The following COL1A1 variants were observed in gnomAD, a reference collection of about 807,000 sequenced individuals.
The protein encoded by COL1A1 is collagen type I alpha 1 chain, also known as collagen alpha-1(I) chain.
Under a neutral mutation model 195.7 loss-of-function variants are expected in COL1A1, and 21 were observed. The observed-to-expected ratio is 0.11, with a 90% CI of 0.08 to 0.15. The LOEUF is 0.15. COL1A1 is among the 10% of genes least tolerant of loss of function. The probability of loss-of-function intolerance (pLI) is 1.00; values close to 1 mark genes in which losing one functional copy is unlikely to be tolerated. For missense variants in COL1A1, 1,365 were observed against 2,051.0 expected (o/e 0.67, Z 6.46); for synonymous variants, 749 against 747.3 (o/e 1.00, Z -0.04).
rs886053161 is a variant in COL1A1, at chr17:50,192,659, G to T, written c.1910C>A (p.Ala637Asp). The T allele has an allele frequency of 2.5e-6, 4 of 1,614,130 alleles. No homozygotes were observed. The highest frequency in any genetic ancestry group is 3.4e-6 in the Non-Finnish European group (4 of 1,180,054). ...CCTCACCTGGAATCCGGGGGAGCCAGCAGGGCCTTGTTCACCTCTCTCGCC... is the reference window on the plus strand; with the variant it reads ...CCTCACCTGGAATCCGGGGGAGCCATCAGGGCCTTGTTCACCTCTCTCGCC... The part of the protein sequence containing the change: ...PAGERGEQGP[A>D]GSPGFQGLPG... Residue 637 changes from alanine to aspartate, a missense_variant, in exon 28 of 51, where the codon GCT becomes GAT. This residue lies in a region of COL1A1 where 671 missense variants were observed against 1,099.9 expected (regional missense o/e 0.61). Transcript: ENST00000225964.
At chr17:50,196,950 G>A in intron 11 of COL1A1, 60 bp downstream of exon 11, 1 of 1,575,968 alleles carries the variant, frequency 6.3e-7, no homozygotes. Context: ...GGAAGAGGTT[G>A]GGACTGGATG....
At chr17:50,201,330 T>C (rs1908076045) in intron 1 of COL1A1, 81 bp downstream of exon 1, 2 of 1,266,974 alleles carry the variant, frequency 1.6e-6, no homozygotes, top group Non-Finnish European at 2.2e-6. Context: ...CATCCACGTC[T>C]CGTTTTAAGC....
chr17:50,186,383 G>A lies in COL1A1; in HGVS notation c.3939C>T (p.Tyr1313=). 6.2e-7 allele frequency: 1 copy of A among 1,614,252 alleles called. No homozygotes were observed. Among genetic ancestry groups the A allele is most frequent in the Non-Finnish European group, 8.5e-7 (1 of 1,180,054 alleles). ...TCTTGTCCTTGGGGTTCTTGCTGAT[G>A]TACCAGTTCTTCTGGGCCACACTGG... The part of the protein sequence containing the change: ...TQPSVAQKNW[Y]ISKNPKDKRH... The change falls in exon 49 of 51, where the codon TAC becomes TAT. Residue 1313 remains tyrosine (Y), a synonymous_variant. Coordinates refer to ENST00000225964, the MANE Select transcript of COL1A1 (RefSeq NM_000088.4). This position sits in a 1 kb window ranked among gnomAD's most constrained non-coding sequence, Gnocchi z 5.3.
intron 25 of COL1A1, 122 bp from the exon 26 acceptor site, chr17:50,193,169 C>A (rs968580225): frequency 1.3e-5 from 13 of 996,866 alleles, no homozygotes; most frequent in East Asian, 2.6e-5. Context: ...CTGTTTGGCC[C>A]CCGGGGAATG....
rs773571012 is a variant in COL1A1, at chr17:50,199,882, G to C, written c.169C>G (p.Pro57Ala). Residue 57 changes from proline (P) to alanine (A), a missense_variant, in exon 2 of 51, where the codon CCC becomes GCC. Pro to Ala is a conservative substitution (Grantham distance 27). This residue lies in a region of COL1A1 where 194 missense variants were observed against 221.7 expected (regional missense o/e 0.88). Coordinates refer to ENST00000225964, the MANE Select transcript of COL1A1 (RefSeq NM_000088.4). The stretch of plus-strand genomic sequence containing the variant: ...TTGTCGCAGACGCAGATCCGGCAGG[G>C]CTCGGGTTTCCACACGTCTCGGTCA... ...YHDRDVWKPE[P>A]CRICVCDNGK... 1.2e-6 allele frequency: 2 copies of C among 1,614,186 alleles called. No individual in the cohort carries two copies. The highest frequency in any genetic ancestry group is 1.7e-6 in the Non-Finnish European group (2 of 1,180,032).
At position 50,190,028 on chromosome 17, in the gene COL1A1, G is replaced by A. The variant is rs374158703; in HGVS notation, c.2532C>T (p.Ala844=). The A allele has an allele frequency of 7.6e-5, 122 of 1,609,586 alleles. No individual in the cohort carries two copies. The highest frequency in any genetic ancestry group is 1.1e-4 in the African/African-American group (8 of 74,352). Residue 844 remains alanine (A), a synonymous_variant, in exon 36 of 51, where the codon GCC becomes GCT. Coordinates refer to ENST00000225964, the MANE Select transcript of COL1A1 (RefSeq NM_000088.4). The surrounding 1 kb of genome is among the most constrained non-coding windows in gnomAD (Gnocchi z 4.7). The stretch of plus-strand genomic sequence containing the variant: ...TGGGGCCAGGGGGTCCAGCGGGTCC[G>A]GCAGGGCCAGGGGGACCAGCATCGC... The part of the protein sequence containing the change: ...AKGDAGPPGP[A]GPAGPPGPIG...
At chr17:50,196,889 T>C in intron 11 of COL1A1, 121 bp downstream of exon 11, 1 of 1,243,162 alleles carries the variant, frequency 8.0e-7, no homozygotes, top group Non-Finnish European at 1.2e-6. Context: ...TCTCTGTCCC[T>C]TGGGACTTCT....
Position 50,196,165 on chromosome 17 carries a change from G to GT in COL1A1, c.991_992insA (p.Ala331AspfsTer22). 1 of 1,614,082 alleles carries GT rather than the reference G, an allele frequency of 6.2e-7. No homozygotes were observed. Among genetic ancestry groups the GT allele is most frequent in the African/African-American group, 1.3e-5 (1 of 75,010 alleles). ...ACAGGCCACACTCACAGGGGGCCCG[G>GT]CAGCACCAGTAGCACCATCATTTCC... On this transcript the variant is annotated frameshift_variant, in exon 15 of 51. Transcript: ENST00000225964. LOFTEE classifies it high-confidence loss of function.
At position 50,195,126 on chromosome 17, in the gene COL1A1, C is replaced by A; in HGVS notation, c.1300-26G>T. ...CTGCAAGGGGGGAGAAGAGGATGAG[C>A]TGAGAGTCGGGGGCGCTCAGTTGGC... On this transcript the variant is annotated intron_variant, in intron 19 of 50. Transcript: ENST00000225964. The surrounding 1 kb of genome is among the most constrained non-coding windows in gnomAD (Gnocchi z 4.3). 6.2e-7 allele frequency: 1 copy of A among 1,613,382 alleles called. No individual in the cohort carries two copies. Among genetic ancestry groups the A allele is most frequent in the Non-Finnish European group, 8.5e-7 (1 of 1,179,622 alleles).
At position 50,190,987 on chromosome 17, in the gene COL1A1, G is replaced by T; in HGVS notation, c.2236-63C>A. 6.6e-7 allele frequency: 1 copy of T among 1,503,762 alleles called. No individual in the cohort carries two copies. The highest frequency in any genetic ancestry group is 9.2e-7 in the Non-Finnish European group (1 of 1,085,830). 93.2% of individuals were successfully genotyped at this position (1,503,762 alleles called of 1,614,324 possible). On this transcript the variant is annotated intron_variant, in intron 32 of 50. Coordinates refer to ENST00000225964, the MANE Select transcript of COL1A1 (RefSeq NM_000088.4). The surrounding 1 kb of genome is among the most constrained non-coding windows in gnomAD (Gnocchi z 4.7). ...GCAAGGAGGTGACCTATAGTGTTCT[G>T]CTTGTGTCTGGGTTTCCTGAGAGGC...
rs1598283073 is a variant in COL1A1 at position 50,185,218 on chromosome 17, T to G, written c.*284A>C. On this transcript the variant is annotated 3_prime_UTR_variant, in exon 51 of 51. Transcript: ENST00000225964. Reference sequence around the variant, plus strand: ...ACCCCCGCATGGGTCTTCAAGCAAGTGGACCAAGCTTCCTTTTTTAAAAAG... The same window carrying G: ...ACCCCCGCATGGGTCTTCAAGCAAGGGGACCAAGCTTCCTTTTTTAAAAAG... The G allele has an allele frequency of 2.2e-5, 9 of 412,382 alleles. No homozygotes were observed. The East Asian group carries it at 3.9e-4, about 18-fold the overall frequency. 25.5% of individuals were successfully genotyped at this position (412,382 alleles called of 1,614,324 possible). A position where few individuals can be genotyped will look rare whatever the true frequency, so the allele number is the denominator to read the frequency against.
chr17:50,194,669 C>T lies in COL1A1; in HGVS notation c.1462-43G>A, dbSNP rs1254841895. ...GCCAGTGAACTCCGCGACACACAGG[C>T]ACCAGCCAGGCAATGAGGGTGGAGC... is the stretch of plus-strand genomic sequence containing the variant. On this transcript the variant is annotated intron_variant, in intron 21 of 50. Coordinates refer to ENST00000225964, the MANE Select transcript of COL1A1 (RefSeq NM_000088.4). This position sits in a 1 kb window ranked among gnomAD's most constrained non-coding sequence, Gnocchi z 6.8. 1 of 1,557,866 alleles carries T rather than the reference C, an allele frequency of 6.4e-7. No homozygotes were observed.
In COL1A1 at chr17:50,196,375, C is replaced by G; in HGVS notation, c.904-8G>C. The G allele has an allele frequency of 6.2e-7, 1 of 1,613,898 alleles. No homozygotes were observed. Among genetic ancestry groups the G allele is most frequent in the Non-Finnish European group, 8.5e-7 (1 of 1,179,868 alleles). ...AGGCAGGCCACGGGGGCCCTGACAACCAAACCAAGAGAAGTCAGATGAGAT... is the reference window on the plus strand; with the variant it reads ...AGGCAGGCCACGGGGGCCCTGACAAGCAAACCAAGAGAAGTCAGATGAGAT... On this transcript the variant is annotated splice_polypyrimidine_tract_variant and splice_region_variant and intron_variant, in intron 13 of 50. Coordinates refer to ENST00000225964, the MANE Select transcript of COL1A1 (RefSeq NM_000088.4).
At position 50,185,257 on chromosome 17, in the gene COL1A1, C is replaced by CTTTTTTTTTTT. The variant is rs56302025; in HGVS notation, c.*234_*244dup. On this transcript the variant is annotated 3_prime_UTR_variant, in exon 51 of 51. Transcript: ENST00000225964. ...TTTTTTAAAAAGTTATTTATTTATT[C>CTTTTTTTTTTT]TTTTTTTTTTTTTTTTTTTGGTAAG... is the stretch of plus-strand genomic sequence containing the variant. The CTTTTTTTTTTT allele has an allele frequency of 3.2e-5, 6 of 185,548 alleles. No individual in the cohort carries two copies. Among genetic ancestry groups the CTTTTTTTTTTT allele is most frequent in the African/African-American group, 1.3e-4 (4 of 29,866 alleles). 11.5% of individuals were successfully genotyped at this position (185,548 alleles called of 1,614,324 possible).
chr17:50,196,182 A>T lies in COL1A1; in HGVS notation c.975T>A (p.Asp325Glu). 1 of 1,614,084 alleles carries T rather than the reference A, an allele frequency of 6.2e-7. No homozygotes were observed. The highest frequency in any genetic ancestry group is 8.5e-7 in the Non-Finnish European group (1 of 1,179,992). The stretch of plus-strand genomic sequence containing the variant: ...GGGGCCCGGCAGCACCAGTAGCACC[A>T]TCATTTCCACGAGCACCCTGCAGGA... Reference protein sequence around the residue: ...APGPAGARGNDGATGAAGPPG... With the variant: ...APGPAGARGNEGATGAAGPPG... The change falls in exon 15 of 51, where the codon GAT becomes GAA. Residue 325 changes from aspartate (D) to glutamate (E), a missense_variant. Transcript: ENST00000225964.
rs762492398 is a variant in COL1A1 at position 50,186,514 on chromosome 17, T to C, written c.3815-7A>G. The C allele has an allele frequency of 5.6e-6, 9 of 1,613,978 alleles. No homozygotes were observed. The highest frequency in any genetic ancestry group is 2.2e-5 in the South Asian group (2 of 91,062). Reference sequence around the variant, plus strand: ...GGGTCAATCCAGTACTCTCCTGTGGTAGGGCAGGGCAAGATGGAGTCAGGG... The same window carrying C: ...GGGTCAATCCAGTACTCTCCTGTGGCAGGGCAGGGCAAGATGGAGTCAGGG... On this transcript the variant is annotated splice_polypyrimidine_tract_variant and splice_region_variant and intron_variant, in intron 48 of 50. Coordinates refer to ENST00000225964, the MANE Select transcript of COL1A1 (RefSeq NM_000088.4). This position sits in a 1 kb window ranked among gnomAD's most constrained non-coding sequence, Gnocchi z 5.3.
chr17:50,198,513 A>G lies in COL1A1; in HGVS notation c.472-9T>C. ...AGCTGGGGAGCAAAGTTCTAGAACA[A>G]ACAAGAGAAGTCAGAGTGAGGACAG... On this transcript the variant is annotated splice_polypyrimidine_tract_variant and intron_variant, in intron 5 of 50. Coordinates refer to ENST00000225964, the MANE Select transcript of COL1A1 (RefSeq NM_000088.4). 1 of 1,610,014 alleles carries G rather than the reference A, an allele frequency of 6.2e-7. No homozygotes were observed. The highest frequency in any genetic ancestry group is 1.1e-5 in the South Asian group (1 of 89,954).
chr17:50,186,223 C>T lies in COL1A1; in HGVS notation c.4005+94G>A. On this transcript the variant is annotated intron_variant, in intron 49 of 50. Transcript: ENST00000225964. This position sits in a 1 kb window ranked among gnomAD's most constrained non-coding sequence, Gnocchi z 5.3. ...CCTCCCAGCCCAGCTCTGTCCATCA[C>T]CCTTAGCAGAGACCTACTCCAGGAC... 1.3e-6 allele frequency: 2 copies of T among 1,567,726 alleles called. No individual in the cohort carries two copies. Among genetic ancestry groups the T allele is most frequent in the Non-Finnish European group, 8.7e-7 (1 of 1,146,978 alleles).
Position 50,192,038 on chromosome 17 carries a change from A to G in COL1A1, c.1984-14T>C, listed in dbSNP as rs776156011. The G allele has an allele frequency of 4.3e-6, 7 of 1,610,878 alleles. No homozygotes were observed. The highest frequency in any genetic ancestry group is 5.1e-6 in the Non-Finnish European group (6 of 1,178,942). ...TCCAGGAACACCCTGAGGGGGAGGG[A>G]GAGAGGAACAGACAGTGAGCAAAAC... On this transcript the variant is annotated splice_polypyrimidine_tract_variant and intron_variant, in intron 29 of 50. Transcript: ENST00000225964.
Sources: gnomAD v4.1 joint callset for allele counts on GRCh38, gnomAD v4.1.1 for gene constraint, gnomAD v4.1.1 regional missense constraint, Gnocchi (gnomAD v3.1) non-coding constraint, MANE v1.5 for transcripts, NCBI Gene and HGNC (gene_info 2026-07-23, HGNC 2026-07-21) for gene names.